The following DENND5A variants were observed in gnomAD, a reference collection of about 807,000 sequenced individuals.
DENND5A encodes the protein DENN domain-containing protein 5A.
DENND5A carries 64 observed loss-of-function variants against 140.3 expected under a neutral mutation model. The observed-to-expected ratio is 0.46, with a 90% CI of 0.37 to 0.56. The LOEUF (loss-of-function observed/expected upper bound fraction) is 0.56. Among genes scored for constraint, DENND5A ranks in the 20% least tolerant of loss-of-function variants. DENND5A has a pLI of 0.00. For missense variants in DENND5A, 1,292 were observed against 1,593.8 expected, an observed-to-expected ratio of 0.81 and a Z score of 3.22; for synonymous variants, 605 against 607.7, an observed-to-expected ratio of 1.00 and a Z score of 0.07.
chr11:9,185,979 AAAG>A (rs557597373), intron 5 of DENND5A, among the ~76,000 whole-genome samples: 105 of 152,264 alleles, frequency 6.9e-4, no homozygotes, highest in African/African-American at 2.3e-3. Flanking sequence ...AAAAAATAAA[AAAG>A]AAGACACTGA....
chr11:9,204,427 A>T lies in DENND5A; in HGVS notation c.292-110T>A, dbSNP rs961240856. ...AGAGCACCTACTAAGCTGAGCGTGT[A>T]TCTGGCTTAAAGCTCTCTCTTTCTA... On this transcript the variant is annotated intron_variant, in intron 3 of 22. Coordinates refer to ENST00000328194, the MANE Select transcript of DENND5A (RefSeq NM_015213.4). The T allele has an allele frequency of 1.2e-5, 13 of 1,050,376 alleles. No individual in the cohort carries two copies. The African/African-American group carries it at 1.9e-4, about 15-fold the overall frequency. The allele number at this position is 1,050,376 out of a possible 1,614,324, so 65.1% of individuals were successfully genotyped here. A position where few individuals can be genotyped will look rare whatever the true frequency, so the allele number is the denominator to read the frequency against.
At chr11:9,153,060 G>A (rs1847680501) in intron 12 of DENND5A, among the ~76,000 whole-genome samples, 1 of 150,088 alleles carries the variant, frequency 6.7e-6, no homozygotes, top group Non-Finnish European at 1.5e-5. Flanking sequence ...TCTCACACCT[G>A]TAATCCCAAC....
At chr11:9,254,322 T>A (rs931135537) in intron 1 of DENND5A, among the ~76,000 whole-genome samples, 2 of 152,088 alleles carry the variant, frequency 1.3e-5, no homozygotes, top group African/African-American at 4.8e-5. Flanking sequence ...TGGGTCTGGC[T>A]TTTTTAAGCC....
At chr11:9,223,948 T>C (rs894000910) in intron 1 of DENND5A, among the ~76,000 whole-genome samples, 1 of 151,926 alleles carries the variant, frequency 6.6e-6, no homozygotes, top group African/African-American at 2.4e-5. Context: ...TCCCAGCACT[T>C]TGGGAGGCCG....
chr11:9,165,381 A>G lies in DENND5A; in HGVS notation c.2283+455T>C, dbSNP rs1422896194. Among the ~76,000 whole-genome samples the G allele has an allele frequency of 2.0e-5, 3 of 152,194 alleles. No individual in the cohort carries two copies. The East Asian group carries it at 5.8e-4, about 29-fold the overall frequency. Reference sequence around the variant, plus strand: ...TCTCAATTAATGGTATATTTTATTTAAAACAAATATACCTAATTTCAAATT... The same window carrying G: ...TCTCAATTAATGGTATATTTTATTTGAAACAAATATACCTAATTTCAAATT... On this transcript the variant is annotated intron_variant, in intron 11 of 22. Coordinates refer to ENST00000328194, the MANE Select transcript of DENND5A (RefSeq NM_015213.4).
Position 9,153,344 on chromosome 11 carries a change from C to CAAAAA in DENND5A, c.2437-907_2437-903dup, listed in dbSNP as rs59736475. On this transcript the variant is annotated intron_variant, in intron 12 of 22. Coordinates refer to ENST00000328194, the MANE Select transcript of DENND5A (RefSeq NM_015213.4). ...TGGGTGACAGAATGAGGCTCCCTCT[C>CAAAAA]AAAAAAAAAAAAAAAAAAAAAAAAA... 8.1e-4 allele frequency among the ~76,000 whole-genome samples: 22 copies of CAAAAA among 27,024 alleles called. 2 individuals are homozygous for CAAAAA. Among genetic ancestry groups the CAAAAA allele is most frequent in the African/African-American group, 2.0e-3 (16 of 7,828 alleles). 17.7% of individuals were successfully genotyped at this position (27,024 alleles called of 152,430 possible). A position where few individuals can be genotyped will look rare whatever the true frequency, so the allele number is the denominator to read the frequency against.
Position 9,139,493 on chromosome 11 carries a change from A to C in DENND5A, c.*178T>G. 3.2e-6 allele frequency: 2 copies of C among 633,566 alleles called. No homozygotes were observed. Among genetic ancestry groups the C allele is most frequent in the Non-Finnish European group, 5.3e-6 (2 of 374,738 alleles). 39.2% of individuals were successfully genotyped at this position (633,566 alleles called of 1,614,324 possible). Reference sequence around the variant, plus strand: ...TTCACATGAAAGTGTGTAAAAAGCAAATCAGCAAATAAACTCTAAAATAGA... The same window carrying C: ...TTCACATGAAAGTGTGTAAAAAGCACATCAGCAAATAAACTCTAAAATAGA... On this transcript the variant is annotated 3_prime_UTR_variant, in exon 23 of 23. Coordinates refer to ENST00000328194, the MANE Select transcript of DENND5A (RefSeq NM_015213.4).
Position 9,203,709 on chromosome 11 carries a change from C to T in DENND5A, c.900G>A (p.Gln300=). Residue 300 remains glutamine (Q), a synonymous_variant, in exon 4 of 23, where the codon CAG becomes CAA. Coordinates refer to ENST00000328194, the MANE Select transcript of DENND5A (RefSeq NM_015213.4). ...FELLGVENVF[Q]LFTCALLEFQ... ...ACTCCAGAAGGGCACAAGTAAAAAG[C>T]TGAAACACATTCTCCACCCCGAGCA... 6.2e-7 allele frequency: 1 copy of T among 1,614,080 alleles called. No homozygotes were observed. Among genetic ancestry groups the T allele is most frequent in the South Asian group, 1.1e-5 (1 of 91,076 alleles).
Position 9,193,637 on chromosome 11 carries a change from T to C in DENND5A, c.994A>G (p.Met332Val). 1 of 1,613,990 alleles carries C rather than the reference T, an allele frequency of 6.2e-7. No homozygotes were observed. Among genetic ancestry groups the C allele is most frequent in the Non-Finnish European group, 8.5e-7 (1 of 1,179,958 alleles). Reference sequence around the variant, plus strand: ...ACATGCTGCCACTGGAAAGGAAACATGAGAGCTGTAATCGTCTCCGCCACA... The same window carrying C: ...ACATGCTGCCACTGGAAAGGAAACACGAGAGCTGTAATCGTCTCCGCCACA... ...MTVAETITAL[M>V]FPFQWQHVYV... Residue 332 changes from methionine to valine, a missense_variant, in exon 5 of 23, where the codon ATG (methionine) becomes GTG (valine). By Grantham distance (21) the Met-to-Val change is conservative. Transcript: ENST00000328194.
chr11:9,188,307 G>A (rs971598930), intron 5 of DENND5A, among the ~76,000 whole-genome samples: 10 of 152,188 alleles, frequency 6.6e-5, no homozygotes, highest in Admixed American at 5.9e-4. Context: ...CCAGCCACGA[G>A]GAACTGTTAA....
intron 16 of DENND5A, 76 bp from the exon 17 acceptor site, chr11:9,145,891 C>A: frequency 6.6e-7 from 1 of 1,520,042 alleles, no homozygotes; most frequent in Admixed American, 1.7e-5. Flanking sequence ...CTGACCTGCT[C>A]CAGGAAGGCT....
rs1392402979 is a variant in DENND5A at position 9,170,744 on chromosome 11, T to C, written c.1940A>G (p.Asp647Gly). 9.3e-6 allele frequency: 15 copies of C among 1,613,666 alleles called. No homozygotes were observed. Among genetic ancestry groups the C allele is most frequent in the Non-Finnish European group, 1.3e-5 (15 of 1,179,986 alleles). Residue 647 changes from aspartate (D) to glycine (G), a missense_variant, in exon 9 of 23, where the codon GAC becomes GGC. Asp to Gly is a moderately conservative substitution (Grantham distance 94). Around this residue, in one of 4 missense-constraint regions of DENND5A, gnomAD observed 199 missense variants for 189.1 expected, o/e 1.05. Transcript: ENST00000328194. The part of the protein sequence containing the change: ...KAIELRLAKI[D>G]HTAIHPHLLD... ...TAAATGTGGGTGAATTGCAGTATGGTCAATTTTTGCCAGACGCAGCTCAAT... is the reference window on the plus strand; with the variant it reads ...TAAATGTGGGTGAATTGCAGTATGGCCAATTTTTGCCAGACGCAGCTCAAT...
chr11:9,197,987 C>T (rs1266103424), intron 4 of DENND5A, among the ~76,000 whole-genome samples: 1 of 152,120 alleles, frequency 6.6e-6, no homozygotes, highest in African/African-American at 2.4e-5. Flanking sequence ...TTGATTTTCC[C>T]CACTCTGAGT....
chr11:9,177,447 T>C (rs754089036), intron 8 of DENND5A, among the ~76,000 whole-genome samples: 5 of 151,320 alleles, frequency 3.3e-5, no homozygotes, highest in South Asian at 2.1e-4. Flanking sequence ...AACGCAAAAA[T>C]TGAAGACCAG....
chr11:9,226,106 T>A (rs956530966), intron 1 of DENND5A, among the ~76,000 whole-genome samples: 2 of 152,182 alleles, frequency 1.3e-5, no homozygotes, highest in African/African-American at 2.4e-5. Flanking sequence ...ATCATTATCA[T>A]CATCATCATC....
At chr11:9,261,295 G>C (rs187102700) in intron 1 of DENND5A, among the ~76,000 whole-genome samples, 4 of 152,284 alleles carry the variant, frequency 2.6e-5, no homozygotes, top group Non-Finnish European at 4.4e-5. Context: ...TAAGTTAACT[G>C]TGTGGAGTGC....
At chr11:9,214,734 G>GT (rs997319482) in intron 1 of DENND5A, among the ~76,000 whole-genome samples, 4 of 152,110 alleles carry the variant, frequency 2.6e-5, no homozygotes, top group Middle Eastern at 6.8e-3. Flanking sequence ...GTTTTGTTTT[G>GT]TTTTTTTGAG....
At chr11:9,156,866 T>TGGAAGGAAGGAAGGAA in intron 12 of DENND5A, among the ~76,000 whole-genome samples, 1 of 108,652 alleles carries the variant, frequency 9.2e-6, no homozygotes, top group South Asian at 3.0e-4. Context: ...GATGGAAGGA[T>TGGAAGGAAGGAAGGAA]GGATGGAAGG....
intron 12 of DENND5A, among the ~76,000 whole-genome samples, chr11:9,155,376 G>A (rs538533621): frequency 2.6e-5 from 4 of 152,280 alleles, no homozygotes; most frequent in African/African-American, 9.6e-5. Context: ...GGTGACCAGA[G>A]AGCCTGACAT....
Sources: gnomAD v4.1 joint callset for allele counts (sites outside exome capture counted in the v4.1 genomes callset) on GRCh38, gnomAD v4.1.1 for gene constraint, gnomAD v4.1.1 regional missense constraint, MANE v1.5 for transcripts, NCBI Gene and HGNC (gene_info 2026-07-23, HGNC 2026-07-21) for gene names.